Variants in SEMA3C observed in about 807,000 individuals in gnomAD.
SEMA3C encodes semaphorin 3C.
A neutral mutation model predicts 89.4 loss-of-function variants in SEMA3C; 47 were observed. The ratio of observed to expected loss-of-function variants is 0.53; its 90% confidence interval spans 0.42 to 0.67. The LOEUF (loss-of-function observed/expected upper bound fraction) is 0.67. Among genes scored for constraint, SEMA3C ranks in the 30% least tolerant of loss-of-function variants. The pLI, the probability that SEMA3C is intolerant of heterozygous loss-of-function variation, is 0.00. For synonymous variants in SEMA3C, 310 were observed against 320.2 expected, an observed-to-expected ratio of 0.97 and a Z score of 0.34; for missense variants, 839 against 929.1, an observed-to-expected ratio of 0.90 and a Z score of 1.26.
intron 2 of SEMA3C, among the ~76,000 whole-genome samples, chr7:80,868,434 A>AT (rs1407203669): frequency 6.6e-6 from 1 of 151,658 alleles, no homozygotes; most frequent in Non-Finnish European, 1.5e-5. Context: ...CACCTGACTA[A>AT]TTTTTGTATT....
At chr7:80,878,207 A>T (rs1791245952) in intron 2 of SEMA3C, among the ~76,000 whole-genome samples, 1 of 152,078 alleles carries the variant, frequency 6.6e-6, no homozygotes, top group African/African-American at 2.4e-5. Context: ...GAGAAACCCC[A>T]TCTCTACTAA....
intron 4 of SEMA3C, among the ~76,000 whole-genome samples, chr7:80,821,592 T>C (rs536199243): frequency 3.3e-5 from 5 of 152,348 alleles, no homozygotes; most frequent in Non-Finnish European, 5.9e-5. Flanking sequence ...GCTAATTTTT[T>C]GTATTTTTAG....
At chr7:80,755,119 C>A (rs1788036356) in intron 15 of SEMA3C, among the ~76,000 whole-genome samples, 1 of 151,478 alleles carries the variant, frequency 6.6e-6, no homozygotes, top group Non-Finnish European at 1.5e-5. Context: ...CTTTAAATAG[C>A]TACTACTTTC....
chr7:80,916,580 T>C lies in SEMA3C; in HGVS notation c.103+99A>G, dbSNP rs1279102339. The C allele has an allele frequency of 7.8e-6, 8 of 1,025,736 alleles. No individual in the cohort carries two copies. In the East Asian group the frequency reaches 2.0e-4, roughly 26 times the overall value. 63.5% of individuals were successfully genotyped at this position (1,025,736 alleles called of 1,614,324 possible). A position where few individuals can be genotyped will look rare whatever the true frequency, so the allele number is the denominator to read the frequency against. ...GCCCAGTAAATATTTTTAAAATTAATATCCAGTAATATTTATACTCTTAAT... is the reference window on the plus strand; with the variant it reads ...GCCCAGTAAATATTTTTAAAATTAACATCCAGTAATATTTATACTCTTAAT... On this transcript the variant is annotated intron_variant, in intron 2 of 17. Transcript: ENST00000265361.
At chr7:80,813,325 G>A (rs964590622) in intron 5 of SEMA3C, among the ~76,000 whole-genome samples, 2 of 152,132 alleles carry the variant, frequency 1.3e-5, no homozygotes, top group African/African-American at 4.8e-5. Flanking sequence ...CCAACCACAA[G>A]TGGATCCCCT....
rs1227269231 is a variant in SEMA3C, at chr7:80,765,258, G to C, written c.1355-15C>G. ...AGTACCCCGATCTAAATTAAAAAAA[G>C]AAGAAATGAGATGTTACAATACTTT... On this transcript the variant is annotated splice_polypyrimidine_tract_variant and intron_variant, in intron 12 of 17. Transcript: ENST00000265361. 6.4e-7 allele frequency: 1 copy of C among 1,565,896 alleles called. No homozygotes were observed. Among genetic ancestry groups the C allele is most frequent in the Non-Finnish European group, 8.8e-7 (1 of 1,138,374 alleles).
chr7:80,899,285 C>T (rs1791817175), intron 2 of SEMA3C, among the ~76,000 whole-genome samples: 1 of 152,190 alleles, frequency 6.6e-6, no homozygotes, highest in South Asian at 2.1e-4. Flanking sequence ...AGGTAATCCG[C>T]CCATCTTGGC....
chr7:80,830,746 T>C (rs940962305), intron 2 of SEMA3C, among the ~76,000 whole-genome samples: 1 of 152,130 alleles, frequency 6.6e-6, no homozygotes, highest in Non-Finnish European at 1.5e-5. Context: ...TTCCAGTTAC[T>C]GAGTCTCCCT....
chr7:80,878,361 A>G (rs1469051039), intron 2 of SEMA3C, among the ~76,000 whole-genome samples: 2 of 152,226 alleles, frequency 1.3e-5, no homozygotes, highest in African/African-American at 4.8e-5. Flanking sequence ...CTGGGCAATA[A>G]GAGCAAAACT....
intron 2 of SEMA3C, among the ~76,000 whole-genome samples, chr7:80,879,880 C>T (rs1220667185): frequency 6.6e-6 from 1 of 152,156 alleles, no homozygotes; most frequent in Non-Finnish European, 1.5e-5. Flanking sequence ...AACAATCTTA[C>T]AAGGTTTCTC....
chr7:80,799,606 GC>G (rs1789148801), intron 10 of SEMA3C, among the ~76,000 whole-genome samples: 1 of 151,864 alleles, frequency 6.6e-6, no homozygotes, highest in South Asian at 2.1e-4. Flanking sequence ...ACATTGGGAG[GC>G]CCAAGTCAGG....
At chr7:80,830,475 T>G (rs1789984389) in intron 2 of SEMA3C, among the ~76,000 whole-genome samples, 2 of 152,174 alleles carry the variant, frequency 1.3e-5, no homozygotes, top group Admixed American at 1.3e-4. Flanking sequence ...TTTTTAAAAT[T>G]TAGGGAGCTA....
In SEMA3C at chr7:80,811,247, G is replaced by A. The variant is rs561186894; in HGVS notation, c.448-546C>T. On this transcript the variant is annotated intron_variant, in intron 5 of 17. Transcript: ENST00000265361. ...CAAAAATTCACTGAGCATCTGCCATGTACCAGAAACTGACTAAACACTGGG... is the reference window on the plus strand; with the variant it reads ...CAAAAATTCACTGAGCATCTGCCATATACCAGAAACTGACTAAACACTGGG... Among the ~76,000 whole-genome samples the A allele has an allele frequency of 6.3e-4, 96 of 152,148 alleles. 1 individual carries two copies. Among genetic ancestry groups the A allele is most frequent in the African/African-American group, 2.1e-3 (88 of 41,512 alleles).
chr7:80,883,468 A>G (rs917934003), intron 2 of SEMA3C, among the ~76,000 whole-genome samples: 8 of 152,194 alleles, frequency 5.3e-5, no homozygotes, highest in African/African-American at 1.9e-4. Flanking sequence ...TTATCAAACA[A>G]AACTAATTAT....
chr7:80,753,717 T>A (rs1243079410), intron 15 of SEMA3C, among the ~76,000 whole-genome samples: 2 of 152,210 alleles, frequency 1.3e-5, no homozygotes, highest in African/African-American at 4.8e-5. Flanking sequence ...TAAATTCTTT[T>A]GGATAAACAA....
At chr7:80,894,642 A>C (rs2116165586) in intron 2 of SEMA3C, among the ~76,000 whole-genome samples, 1 of 152,192 alleles carries the variant, frequency 6.6e-6, no homozygotes, top group East Asian at 1.9e-4. Flanking sequence ...TGCTAAGAGC[A>C]AACAGTGGAT....
chr7:80,895,025 T>A (rs547993735), intron 2 of SEMA3C, among the ~76,000 whole-genome samples: 7 of 152,290 alleles, frequency 4.6e-5, no homozygotes, highest in African/African-American at 1.4e-4. Flanking sequence ...ATAAAACATG[T>A]CCCAGTCACT....
intron 2 of SEMA3C, among the ~76,000 whole-genome samples, chr7:80,875,710 T>C (rs1791184482): frequency 2.6e-5 from 4 of 151,852 alleles, no homozygotes; most frequent in Admixed American, 2.6e-4. Flanking sequence ...TCAGACTGAC[T>C]GCAGAAGTAT....
intron 2 of SEMA3C, among the ~76,000 whole-genome samples, chr7:80,914,145 C>T (rs779802895): frequency 6.6e-6 from 1 of 152,172 alleles, no homozygotes; most frequent in Non-Finnish European, 1.5e-5. Context: ...TTCTGCAAAA[C>T]ACCTTTCAGT....
Sources: allele counts gnomAD v4.1 joint callset (sites outside exome capture counted in the v4.1 genomes callset), GRCh38; gene constraint gnomAD v4.1.1; transcripts MANE v1.5; gene names NCBI Gene and HGNC (gene_info 2026-07-23, HGNC 2026-07-21).